Variants in UGT2B11 observed in about 807,000 individuals in gnomAD.
The protein encoded by UGT2B11 is UDP glucuronosyltransferase family 2 member B11.
A neutral mutation model predicts 51.7 loss-of-function variants in UGT2B11; 49 were observed. The observed-to-expected ratio is 0.95, with a 90% CI of 0.75 to 1.20. UGT2B11 has a LOEUF of 1.20. UGT2B11 is among the 50% of genes most tolerant of loss of function. UGT2B11 has a pLI of 0.00. For missense variants in UGT2B11, 810 were observed against 622.1 expected (o/e 1.30, Z -3.21); for synonymous variants, 273 against 209.0 (o/e 1.31, Z -2.64).
the UGT2B11 span, among the ~76,000 whole-genome samples, chr4:69,222,046 TC>T: frequency 2.6e-5 from 4 of 152,290 alleles, no homozygotes; most frequent in South Asian, 6.2e-4. Flanking sequence ...CTCTCTTGAT[TC>T]CCTCTGAGCC....
At chr4:69,211,119 C>G (rs189265022) in intron 2 of UGT2B11, 1 of 151,550 alleles carries the variant, frequency 6.6e-6, no homozygotes, top group Non-Finnish European at 1.5e-5. Context: ...ATTTGCTTGT[C>G]ATAAGGCAGA....
chr4:69,200,812 T>A (rs2109937351), intron 5 of UGT2B11, 93 bp from the exon 6 acceptor site: 2 of 1,319,012 alleles, frequency 1.5e-6, no homozygotes, highest in East Asian at 5.1e-5. Flanking sequence ...CATCAAATAA[T>A]TCAAAATAAA....
At chr4:69,219,616 G>C (rs532415023), upstream of UGT2B11, among the ~76,000 whole-genome samples, 3 of 152,000 alleles carry the variant, frequency 2.0e-5, no homozygotes, top group Admixed American at 6.6e-5. Context: ...GCAATGATGA[G>C]AAAAGGCAAA....
chr4:69,216,940 T>C (rs951972944), upstream of UGT2B11, among the ~76,000 whole-genome samples: 6 of 152,096 alleles, frequency 3.9e-5, no homozygotes, highest in Admixed American at 2.6e-4. Context: ...CATTCTCAAA[T>C]AGACCGTCTT....
Position 69,213,325 on chromosome 4 carries a change from C to A in UGT2B11, c.722-604G>T, listed in dbSNP as rs142845433. On this transcript the variant is annotated intron_variant, in intron 1 of 5. Transcript: ENST00000446444. ...ATTGAAATAGAGAACTGTACTCAAC[C>A]TTAATCTGTCTCATATTTTTAAATA... is the stretch of plus-strand genomic sequence containing the variant. 5.4e-3 allele frequency among the ~76,000 whole-genome samples: 825 copies of A among 151,722 alleles called. 3 individuals carry two copies. The highest frequency in any genetic ancestry group is 9.3e-3 in the Non-Finnish European group (631 of 67,744).
At chr4:69,220,759 T>A in the UGT2B11 span, among the ~76,000 whole-genome samples, 28 of 152,102 alleles carry the variant, frequency 1.8e-4, no homozygotes, top group African/African-American at 6.7e-4. Context: ...ACCTTTTCAG[T>A]AATGATTCCT....
intron 5 of UGT2B11, 181 bp downstream of exon 5, chr4:69,204,248 GT>G (rs2109941519): frequency 1.1e-6 from 1 of 946,014 alleles, no homozygotes; most frequent in East Asian, 2.7e-5. Context: ...CTCATTAGAT[GT>G]ATGGGATTCA....
intron 5 of UGT2B11, among the ~76,000 whole-genome samples, chr4:69,203,498 T>C (rs1721735742): frequency 1.3e-5 from 2 of 151,718 alleles, no homozygotes; most frequent in Admixed American, 6.6e-5. Context: ...CCACTTATAG[T>C]ATCAACTCAA....
chr4:69,204,509 C>T lies in UGT2B11; in HGVS notation c.1231G>A (p.Ala411Thr). The T allele has an allele frequency of 1.2e-6, 2 of 1,612,300 alleles. No homozygotes were observed. The highest frequency in any genetic ancestry group is 1.1e-5 in the South Asian group (1 of 91,056). The change falls in exon 5 of 6, where the codon GCA becomes ACA. Residue 411 changes from alanine (A) to threonine (T), a missense_variant. Physicochemically the swap from Ala to Thr is moderately conservative, Grantham distance 58. Coordinates refer to ENST00000446444, the MANE Select transcript of UGT2B11 (RefSeq NM_001073.3). ...DNIAHMKAKGAAVRLDFNTMS... is the reference protein window; with the variant it reads ...DNIAHMKAKGTAVRLDFNTMS... ...GTGTTGAAGTCCAATCTAACAGCTG[C>T]TCCCTTGGCCTTCATGTGAGCAATG...
chr4:69,206,705 T>C (rs532090035), intron 3 of UGT2B11, among the ~76,000 whole-genome samples: 1 of 151,804 alleles, frequency 6.6e-6, no homozygotes, highest in African/African-American at 2.4e-5. Context: ...TATGGAGTGA[T>C]TGTAATTCTA....
At chr4:69,216,877 CA>C (rs1326019206), upstream of UGT2B11, 2 of 152,024 alleles carry the variant, frequency 1.3e-5, no homozygotes, top group Non-Finnish European at 2.9e-5. Flanking sequence ...TATAAGAAAG[CA>C]GCATTGTGTC....
At chr4:69,215,053 A>G, upstream of UGT2B11, 1 of 221,546 alleles carries the variant, frequency 4.5e-6, no homozygotes, top group Non-Finnish European at 8.9e-6. Context: ...GACACAGAAT[A>G]AGAGATGAAA....
Position 69,200,036 on chromosome 4 carries a change from G to T in UGT2B11, c.*404C>A, listed in dbSNP as rs185563152. 2 of 157,020 alleles carry T rather than the reference G, an allele frequency of 1.3e-5. No individual in the cohort carries two copies. Among genetic ancestry groups the T allele is most frequent in the Non-Finnish European group, 2.8e-5 (2 of 71,640 alleles). 9.7% of individuals were successfully genotyped at this position (157,020 alleles called of 1,614,324 possible). On this transcript the variant is annotated 3_prime_UTR_variant, in exon 6 of 6. Coordinates refer to ENST00000446444, the MANE Select transcript of UGT2B11 (RefSeq NM_001073.3). ...AATGAAGCCAAATTATTCTGAGGAT[G>T]TGACTACTGATACTGTCAGTAGACT...
At chr4:69,221,188 G>C in the UGT2B11 span, among the ~76,000 whole-genome samples, 4 of 152,302 alleles carry the variant, frequency 2.6e-5, no homozygotes, top group African/African-American at 9.6e-5. Flanking sequence ...TGATATCACA[G>C]ATGAAAAAAA....
chr4:69,209,804 A>G (rs895804276), intron 2 of UGT2B11, among the ~76,000 whole-genome samples: 1 of 151,516 alleles, frequency 6.6e-6, no homozygotes, highest in Non-Finnish European at 1.5e-5. Flanking sequence ...TTTTTCTACT[A>G]GGTGTTGAAG....
In UGT2B11 at chr4:69,212,591, A is replaced by G. The variant is rs149292552; in HGVS notation, c.852T>C (p.Pro284=). The G allele has an allele frequency of 6.0e-5, 96 of 1,608,228 alleles. No homozygotes were observed. In the African/African-American group the frequency reaches 1.2e-3, roughly 20 times the overall value. The change falls in exon 2 of 6, where the codon CCT becomes CCC. Residue 284 remains proline, a synonymous_variant. Transcript: ENST00000446444. ...TGTTTACCTTAGGTAGGGGTTTGGC[A>G]GGTTTGCAGTGGAATCCTCCAACAA... ...VDFVGGFHCK[P]AKPLPKEMEE... is the part of the protein sequence containing the mutation.
intron 5 of UGT2B11, among the ~76,000 whole-genome samples, chr4:69,202,795 T>C (rs761974765): frequency 1.3e-5 from 2 of 151,708 alleles, no homozygotes; most frequent in Non-Finnish European, 3.0e-5. Flanking sequence ...AGGTGGTTTG[T>C]GTTTCTTTTC....
the UGT2B11 span, among the ~76,000 whole-genome samples, chr4:69,221,578 A>G: frequency 1.3e-5 from 2 of 152,250 alleles, no homozygotes; most frequent in Non-Finnish European, 2.9e-5. Context: ...TCCCTCCCTA[A>G]TAAGGGTGTG....
At chr4:69,204,396 A>G (rs2109941714) in intron 5 of UGT2B11, 34 bp downstream of exon 5, 3 of 1,608,924 alleles carry the variant, frequency 1.9e-6, no homozygotes, top group South Asian at 1.1e-5. Flanking sequence ...GCTGTCCACA[A>G]ATACCACCTA....
Sources: gnomAD v4.1 joint callset for allele counts (sites outside exome capture counted in the v4.1 genomes callset) on GRCh38, gnomAD v4.1.1 for gene constraint, MANE v1.5 for transcripts, NCBI Gene and HGNC (gene_info 2026-07-23, HGNC 2026-07-21) for gene names.